The following DIAPH2 variants were observed in gnomAD, a reference collection of about 807,000 sequenced individuals.
The protein encoded by DIAPH2 is diaphanous related formin 2, also known as protein diaphanous homolog 2.
Under a neutral mutation model 92.7 loss-of-function variants are expected in DIAPH2, and 35 were observed. The ratio of observed to expected loss-of-function variants is 0.38; its 90% CI spans 0.29 to 0.50. The LOEUF is 0.50. Ranked by LOEUF, DIAPH2 falls within the 20% of genes least tolerant of loss-of-function variation. The pLI is 0.94. For missense variants in DIAPH2, 701 were observed against 819.5 expected, an observed-to-expected ratio of 0.86 and a Z score of 1.77; for synonymous variants, 301 against 280.4, an observed-to-expected ratio of 1.07 and a Z score of -0.73.
Position 97,293,517 on chromosome X carries a change from T to C in DIAPH2, c.2844+45678T>C, listed in dbSNP as rs182881392. On this transcript the variant is annotated intron_variant, in intron 23 of 26. Transcript: ENST00000324765. ...CTGCCCACCTTGGCCTCCCAAAGTG[T>C]TGGGATTACAGGCGTGAGCCACTGC... 7.5e-4 allele frequency among the ~76,000 whole-genome samples: 84 copies of C among 111,303 alleles called. 1 individual carries two copies. In the East Asian group the frequency reaches 0.018, roughly 24 times the overall value.
chrX:97,579,936 A>C (rs751006688), intron 26 of DIAPH2, among the ~76,000 whole-genome samples: 12 of 109,665 alleles, frequency 1.1e-4, no homozygotes, highest in African/African-American at 4.0e-4. Flanking sequence ...GGCAATTGTG[A>C]ATGGGAGTTC....
At chrX:97,406,971 TAAAAA>T (rs1223003044) in intron 25 of DIAPH2, among the ~76,000 whole-genome samples, 6 of 111,395 alleles carry the variant, frequency 5.4e-5, no homozygotes, top group Non-Finnish European at 1.1e-4. Context: ...TTTTTTTACA[TAAAAA>T]AGAGTAAAAA....
intron 17 of DIAPH2, among the ~76,000 whole-genome samples, chrX:97,067,950 A>G (rs2066644488): frequency 9.0e-6 from 1 of 111,403 alleles, no homozygotes; most frequent in Non-Finnish European, 1.9e-5. Context: ...ACAAGCAGAA[A>G]TGTTGGGCTA....
intron 17 of DIAPH2, among the ~76,000 whole-genome samples, chrX:97,000,673 G>A (rs1187435507): frequency 9.1e-6 from 1 of 110,077 alleles, no homozygotes. Flanking sequence ...TTTGAGTTTT[G>A]TAAAATTATA....
At chrX:97,478,807 A>G (rs1339772454) in intron 26 of DIAPH2, among the ~76,000 whole-genome samples, 1 of 111,902 alleles carries the variant, frequency 8.9e-6, no homozygotes, top group Non-Finnish European at 1.9e-5. Context: ...TTCTTCCTGT[A>G]ATTTCTTACC....
At chrX:97,166,085 A>G (rs2067410606) in intron 22 of DIAPH2, among the ~76,000 whole-genome samples, 1 of 111,494 alleles carries the variant, frequency 9.0e-6, no homozygotes, top group Non-Finnish European at 1.9e-5. Flanking sequence ...ATCTTAAGTA[A>G]AATATTGTTT....
intron 26 of DIAPH2, among the ~76,000 whole-genome samples, chrX:97,592,115 A>G (rs2071521672): frequency 8.9e-6 from 1 of 112,394 alleles, no homozygotes; most frequent in Non-Finnish European, 1.9e-5. Context: ...GATAAAAGTA[A>G]GTATTGCATA....
Position 96,918,581 on chromosome X carries a change from G to A in DIAPH2, c.942G>A (p.Val314=). The A allele has an allele frequency of 1.4e-5, 17 of 1,205,092 alleles. No individual in the cohort carries two copies. The highest frequency in any genetic ancestry group is 1.9e-5 in the Non-Finnish European group (17 of 891,761). ...ACAGGGAACGATTTTCACCAATTGTGGAAGGTTTAGAAAATCAGGAAGCCT... is the reference window on the plus strand; with the variant it reads ...ACAGGGAACGATTTTCACCAATTGTAGAAGGTTTAGAAAATCAGGAAGCCT... ...RNNRERFSPI[V]EGLENQEALQ... The change falls in exon 9 of 27, where the codon GTG becomes GTA. Residue 314 remains valine (V), a synonymous_variant. Transcript: ENST00000324765.
At chrX:97,200,845 G>A (rs2067741824) in intron 22 of DIAPH2, among the ~76,000 whole-genome samples, 1 of 111,726 alleles carries the variant, frequency 9.0e-6, no homozygotes, top group Non-Finnish European at 1.9e-5. Context: ...GCCTCCTCAG[G>A]TGGGTCCATG....
chrX:97,479,398 G>C (rs769793740), intron 26 of DIAPH2, among the ~76,000 whole-genome samples: 9 of 112,160 alleles, frequency 8.0e-5, no homozygotes, highest in African/African-American at 2.9e-4. Context: ...ACAGAGATGA[G>C]AGCAAAGGAG....
intron 26 of DIAPH2, among the ~76,000 whole-genome samples, chrX:97,571,709 A>T (rs779000624): frequency 8.1e-5 from 9 of 111,092 alleles, no homozygotes; most frequent in Admixed American, 1.9e-4. Flanking sequence ...TATGGCATGC[A>T]AAGCGTCTGT....
chrX:97,121,337 G>A (rs570390764), intron 21 of DIAPH2, among the ~76,000 whole-genome samples: 1 of 111,578 alleles, frequency 9.0e-6, no homozygotes. Context: ...CTCTCTCCTT[G>A]GGTTACCATA....
chrX:97,139,799 A>G (rs2067197921), intron 21 of DIAPH2, among the ~76,000 whole-genome samples: 1 of 111,261 alleles, frequency 9.0e-6, no homozygotes, highest in African/African-American at 3.3e-5. Context: ...ATAAGTATGC[A>G]TGCCAAAAAC....
intron 10 of DIAPH2, among the ~76,000 whole-genome samples, chrX:96,933,613 A>G (rs1451979428): frequency 1.8e-4 from 18 of 99,813 alleles, no homozygotes; most frequent in Non-Finnish European, 3.2e-4. Context: ...TTTATTTTAT[A>G]TTTATTTTTG....
intron 26 of DIAPH2, among the ~76,000 whole-genome samples, chrX:97,436,040 C>T (rs748894709): frequency 1.8e-5 from 2 of 110,897 alleles, no homozygotes; most frequent in South Asian, 3.8e-4. Context: ...CTCCTGACCT[C>T]GTGATCCACC....
intron 22 of DIAPH2, among the ~76,000 whole-genome samples, chrX:97,202,979 C>G (rs2067765449): frequency 8.9e-6 from 1 of 112,104 alleles, no homozygotes; most frequent in South Asian, 3.7e-4. Context: ...TCTCTCAGAC[C>G]ACAGTGCAAT....
At chrX:96,876,373 C>G (rs1266438220) in intron 4 of DIAPH2, among the ~76,000 whole-genome samples, 4 of 111,709 alleles carry the variant, frequency 3.6e-5, no homozygotes, top group Non-Finnish European at 7.5e-5. Flanking sequence ...GGATCTAGAA[C>G]TAGAAATACC....
At position 97,297,479 on chromosome X, in the gene DIAPH2, A is replaced by G. The variant is rs146943911; in HGVS notation, c.2844+49640A>G. On this transcript the variant is annotated intron_variant, in intron 23 of 26. Transcript: ENST00000324765. ...ACCTGTCAGTAATATGTTTCTGTCA[A>G]TTTTCCTGTAGATTTTTATTCATGG... 1.1e-3 allele frequency among the ~76,000 whole-genome samples: 121 copies of G among 110,278 alleles called. 1 individual carries two copies. The highest frequency in any genetic ancestry group is 3.5e-3 in the African/African-American group (105 of 30,371).
chrX:97,443,110 A>G (rs1259195389), intron 26 of DIAPH2, among the ~76,000 whole-genome samples: 1 of 110,643 alleles, frequency 9.0e-6, no homozygotes, highest in African/African-American at 3.3e-5. Flanking sequence ...TATGTTGCCC[A>G]TGCTGGTCTC....
Sources: gnomAD v4.1 joint callset for allele counts (sites outside exome capture counted in the v4.1 genomes callset) on GRCh38, gnomAD v4.1.1 for gene constraint, MANE v1.5 for transcripts, NCBI Gene and HGNC (gene_info 2026-07-23, HGNC 2026-07-21) for gene names.